The following PDSS1 variants were observed in gnomAD, a reference collection of about 807,000 sequenced individuals.
PDSS1 encodes all trans-polyprenyl-diphosphate synthase PDSS1.
A neutral mutation model predicts 57.5 loss-of-function variants in PDSS1; 43 were observed. That is an observed-to-expected ratio of 0.75 (90% CI 0.59 to 0.96). PDSS1 has a LOEUF of 0.96. Among genes scored for constraint, PDSS1 ranks in the 50% least tolerant of loss-of-function variants. PDSS1 has a pLI of 0.00. For synonymous variants in PDSS1, 175 were observed against 191.3 expected (o/e 0.91, Z 0.70); for missense variants, 438 against 527.8 (o/e 0.83, Z 1.67).
intron 1 of PDSS1, chr10:26,701,738 CCCCA>C: frequency 2.2e-6 from 1 of 447,272 alleles, no homozygotes; most frequent in Non-Finnish European, 4.5e-6. Flanking sequence ...GGGTTGCAGC[CCCCA>C]CACGGAGTCC....
chr10:26,736,410 AT>A (rs1223012823), intron 10 of PDSS1, among the ~76,000 whole-genome samples: 2 of 152,260 alleles, frequency 1.3e-5, no homozygotes, highest in Non-Finnish European at 2.9e-5. Context: ...GAAATTCAAC[AT>A]TAGCTCTTTG....
At chr10:26,729,942 T>G (rs533168825) in intron 8 of PDSS1, among the ~76,000 whole-genome samples, 2 of 136,142 alleles carry the variant, frequency 1.5e-5, no homozygotes, top group East Asian at 4.8e-4. Context: ...AGACGGAGTC[T>G]TGCTCTTTCG....
intron 10 of PDSS1, 116 bp from the exon 11 acceptor site, chr10:26,742,381 A>G: frequency 1.3e-6 from 1 of 773,418 alleles, no homozygotes; most frequent in Non-Finnish European, 2.2e-6. Flanking sequence ...CTAGACACTT[A>G]GTTTCATTTT....
intron 8 of PDSS1, among the ~76,000 whole-genome samples, chr10:26,734,013 A>G (rs1457492040): frequency 6.6e-6 from 1 of 152,134 alleles, no homozygotes; most frequent in East Asian, 1.9e-4. Flanking sequence ...TTGAGTTCTA[A>G]CCAGGTGCCA....
chr10:26,731,320 G>T (rs953215553), intron 8 of PDSS1, among the ~76,000 whole-genome samples: 1 of 152,108 alleles, frequency 6.6e-6, no homozygotes, highest in East Asian at 1.9e-4. Context: ...CAGCATGGGC[G>T]ACAAAGTGAG....
intron 6 of PDSS1, among the ~76,000 whole-genome samples, chr10:26,722,793 C>T (rs1041795024): frequency 2.0e-5 from 3 of 151,484 alleles, no homozygotes; most frequent in African/African-American, 4.9e-5. Flanking sequence ...TATAATTCAA[C>T]TATTTATGCA....
intron 8 of PDSS1, among the ~76,000 whole-genome samples, chr10:26,729,989 T>C (rs1836117736): frequency 7.3e-6 from 1 of 136,880 alleles, no homozygotes; most frequent in Non-Finnish European, 1.5e-5. Context: ...CTCAGCTCAC[T>C]GCAAGCTCTG....
chr10:26,745,183 T>A lies in PDSS1; in HGVS notation c.1108-1150T>A, dbSNP rs1211233770. On this transcript the variant is annotated intron_variant, in intron 11 of 11. Coordinates refer to ENST00000376215, the MANE Select transcript of PDSS1 (RefSeq NM_014317.5). ...CATCTCAAAAAAAATTTAAAAAAAATAAATAAATGTCAGAGGGATCATGAG... is the reference window on the plus strand; with the variant it reads ...CATCTCAAAAAAAATTTAAAAAAAAAAAATAAATGTCAGAGGGATCATGAG... 9.2e-5 allele frequency among the ~76,000 whole-genome samples: 14 copies of A among 151,960 alleles called. No individual in the cohort carries two copies. The East Asian group carries it at 2.5e-3, about 27-fold the overall frequency.
chr10:26,700,005 C>T (rs965562856), intron 1 of PDSS1, among the ~76,000 whole-genome samples: 12 of 152,154 alleles, frequency 7.9e-5, no homozygotes, highest in Non-Finnish European at 1.5e-4. Flanking sequence ...GGACAAAGAG[C>T]GGCAATAATT....
At chr10:26,737,733 A>C (rs1836453096) in intron 10 of PDSS1, among the ~76,000 whole-genome samples, 1 of 80,986 alleles carries the variant, frequency 1.2e-5, no homozygotes, top group Non-Finnish European at 2.8e-5. Flanking sequence ...AAAAAAAAAA[A>C]AAAAAAAAAA....
intron 11 of PDSS1, among the ~76,000 whole-genome samples, chr10:26,745,028 G>C (rs1200935818): frequency 6.6e-6 from 1 of 151,954 alleles, no homozygotes; most frequent in Non-Finnish European, 1.5e-5. Flanking sequence ...GCCAGGCGTG[G>C]TAGTGCACGC....
intron 10 of PDSS1, among the ~76,000 whole-genome samples, chr10:26,741,634 G>A (rs1369778691): frequency 6.6e-6 from 1 of 152,222 alleles, no homozygotes; most frequent in Non-Finnish European, 1.5e-5. Context: ...AGAAACCTCA[G>A]TAGCTTTCAG....
rs530729335 is a variant in PDSS1, at chr10:26,744,889, C to T, written c.1108-1444C>T. 5.9e-5 allele frequency among the ~76,000 whole-genome samples: 9 copies of T among 152,070 alleles called. No individual in the cohort carries two copies. In the South Asian group the frequency reaches 1.9e-3, roughly 32 times the overall value. ...TTTCTAAATGTCAGAGGGGTCCGGGCGCAGTGGCTCACACCTGTAATCGCA... is the reference window on the plus strand; with the variant it reads ...TTTCTAAATGTCAGAGGGGTCCGGGTGCAGTGGCTCACACCTGTAATCGCA... On this transcript the variant is annotated intron_variant, in intron 11 of 11. Coordinates refer to ENST00000376215, the MANE Select transcript of PDSS1 (RefSeq NM_014317.5).
intron 8 of PDSS1, among the ~76,000 whole-genome samples, chr10:26,731,286 A>G (rs969615210): frequency 2.6e-5 from 4 of 152,192 alleles, no homozygotes; most frequent in African/African-American, 7.2e-5. Context: ...GGTTGTAGTG[A>G]GCCAAGATCA....
At chr10:26,703,098 A>G (rs760944027) in intron 2 of PDSS1, among the ~76,000 whole-genome samples, 2 of 152,200 alleles carry the variant, frequency 1.3e-5, no homozygotes, top group Non-Finnish European at 2.9e-5. Context: ...TGCTCTCTAA[A>G]TTAATCTCCA....
At chr10:26,727,070 CA>C (rs76284727) in intron 8 of PDSS1, among the ~76,000 whole-genome samples, 1 of 55,580 alleles carries the variant, frequency 1.8e-5, no homozygotes, top group African/African-American at 5.9e-5. Flanking sequence ...AAAAAAAAAA[CA>C]AACAAACCAG....
chr10:26,705,749 C>CA (rs1382908812), intron 4 of PDSS1, among the ~76,000 whole-genome samples: 5 of 152,032 alleles, frequency 3.3e-5, no homozygotes, highest in Admixed American at 6.5e-5. Flanking sequence ...GCTGGGATTA[C>CA]AAAAAAACAG....
At chr10:26,745,677 T>C (rs538760062) in intron 11 of PDSS1, among the ~76,000 whole-genome samples, 1 of 152,138 alleles carries the variant, frequency 6.6e-6, no homozygotes, top group Admixed American at 6.5e-5. Context: ...CAAAACCCCA[T>C]CTCTACTAAA....
intron 5 of PDSS1, chr10:26,715,813 T>G (rs112811706): frequency 1.7e-4 from 26 of 152,302 alleles, no homozygotes; most frequent in Non-Finnish European, 2.6e-4. Context: ...AAGTTGTAGA[T>G]CCAGGTATCA....
Sources: gnomAD v4.1 joint callset for allele counts (sites outside exome capture counted in the v4.1 genomes callset) on GRCh38, gnomAD v4.1.1 for gene constraint, MANE v1.5 for transcripts, NCBI Gene and HGNC (gene_info 2026-07-23, HGNC 2026-07-21) for gene names.